The following SPOP variants were observed in gnomAD, a reference collection of about 807,000 sequenced individuals.
SPOP encodes speckle-type POZ protein.
In SPOP, 11 loss-of-function variants were observed where a neutral mutation model predicts 45.6. The ratio of observed to expected loss-of-function variants is 0.24; its 90% CI spans 0.15 to 0.40. The LOEUF is 0.40. Among genes scored for constraint, SPOP ranks in the 10% least tolerant of loss-of-function variants. The pLI is 1.00. For missense variants in SPOP, 152 were observed against 465.6 expected (o/e 0.33, Z 6.20); for synonymous variants, 166 against 166.3 (o/e 1.00, Z 0.01).
rs529119601 is a variant in SPOP, at chr17:49,637,724, AC to A, written c.-66-14849del. 6.6e-3 allele frequency among the ~76,000 whole-genome samples: 1,000 copies of A among 152,370 alleles called. 5 individuals are homozygous for A. Among genetic ancestry groups the A allele is most frequent in the East Asian group, 0.016 (82 of 5,190 alleles). On this transcript the variant is annotated intron_variant, in intron 1 of 9. Transcript: ENST00000504102. ...GGTGACTTGTCCTGTGTCAATATTT[AC>A]AAGAAAAGAGAGATCACTGTTGCCA...
chr17:49,624,284 A>C (rs1385663496), intron 1 of SPOP, among the ~76,000 whole-genome samples: 1 of 151,686 alleles, frequency 6.6e-6, no homozygotes, highest in Non-Finnish European at 1.5e-5. Flanking sequence ...AAGAGATTTT[A>C]GGTGCTTTTA....
intron 1 of SPOP, among the ~76,000 whole-genome samples, chr17:49,656,187 TATTACAA>T (rs2143510527): frequency 6.6e-6 from 1 of 152,280 alleles, no homozygotes; most frequent in Non-Finnish European, 1.5e-5. Flanking sequence ...AACTCTTTGA[TATTACAA>T]AAGAATCTGA....
At chr17:49,603,168 C>T (rs58630133) in intron 8 of SPOP, among the ~76,000 whole-genome samples, 1 of 151,848 alleles carries the variant, frequency 6.6e-6, no homozygotes, top group East Asian at 1.9e-4. Flanking sequence ...ACTGTGATCT[C>T]CTGCAGCAAA....
intron 1 of SPOP, among the ~76,000 whole-genome samples, chr17:49,629,313 G>GT (rs555138816): frequency 1.4e-3 from 208 of 151,870 alleles, no homozygotes; most frequent in Middle Eastern, 6.8e-3. Context: ...AAGTTTTCTG[G>GT]TTTTTTTTCA....
At chr17:49,602,977 A>G (rs907183640) in intron 8 of SPOP, among the ~76,000 whole-genome samples, 1 of 152,178 alleles carries the variant, frequency 6.6e-6, no homozygotes, top group African/African-American at 2.4e-5. Context: ...ACAAAATAAA[A>G]TGTCATTGAT....
At chr17:49,629,811 G>C (rs902646873) in intron 1 of SPOP, among the ~76,000 whole-genome samples, 1 of 152,170 alleles carries the variant, frequency 6.6e-6, no homozygotes, top group Non-Finnish European at 1.5e-5. Flanking sequence ...AGTTAACAGA[G>C]AGAGAGGCAT....
chr17:49,661,168 A>G (rs1473506502), intron 1 of SPOP, among the ~76,000 whole-genome samples: 2 of 152,152 alleles, frequency 1.3e-5, no homozygotes, highest in African/African-American at 4.8e-5. Flanking sequence ...TCAGTAACAA[A>G]ATTTGTGAAA....
intron 1 of SPOP, among the ~76,000 whole-genome samples, chr17:49,653,858 TATG>T (rs1329435074): frequency 6.6e-6 from 1 of 150,796 alleles, no homozygotes; most frequent in African/African-American, 2.4e-5. Flanking sequence ...ATATAATAGA[TATG>T]ATATGTGGTA....
chr17:49,615,048 AG>A (rs1265823164), intron 5 of SPOP, among the ~76,000 whole-genome samples: 15 of 151,974 alleles, frequency 9.9e-5, no homozygotes, highest in Admixed American at 9.8e-4. Flanking sequence ...TTGTAGAGAC[AG>A]GGTCTCACTA....
chr17:49,659,940 C>CA (rs1251839889), intron 1 of SPOP, among the ~76,000 whole-genome samples: 1 of 152,204 alleles, frequency 6.6e-6, no homozygotes, highest in Non-Finnish European at 1.5e-5. Context: ...TCCTCTTCCT[C>CA]AACCCCCACA....
In SPOP at chr17:49,601,647, G is replaced by A. The variant is rs566724537; in HGVS notation, c.980+218C>T. Reference sequence around the variant, plus strand: ...GCCAGCAAGTTATTTTCATCACTTCGATTCACTATGAGGAAGTAAAACACT... The same window carrying A: ...GCCAGCAAGTTATTTTCATCACTTCAATTCACTATGAGGAAGTAAAACACT... On this transcript the variant is annotated intron_variant, in intron 9 of 9. Coordinates refer to ENST00000504102, the MANE Select transcript of SPOP (RefSeq NM_001007228.2). 4 of 492,044 alleles carry A rather than the reference G, an allele frequency of 8.1e-6. 1 individual carries two copies. In the South Asian group the frequency reaches 1.3e-4, roughly 15 times the overall value. 30.5% of individuals were successfully genotyped at this position (492,044 alleles called of 1,614,324 possible).
chr17:49,656,524 T>C (rs1429832922), intron 1 of SPOP, among the ~76,000 whole-genome samples: 1 of 152,180 alleles, frequency 6.6e-6, no homozygotes, highest in East Asian at 1.9e-4. Flanking sequence ...TCTAGCCTGT[T>C]TGTCAGCTCA....
At chr17:49,613,281 A>G (rs2072014874) in intron 5 of SPOP, among the ~76,000 whole-genome samples, 1 of 152,026 alleles carries the variant, frequency 6.6e-6, no homozygotes, top group Admixed American at 6.5e-5. Flanking sequence ...ATTTAAAAAA[A>G]AAAAAAAAAA....
intron 1 of SPOP, among the ~76,000 whole-genome samples, chr17:49,666,838 A>C (rs2073066176): frequency 6.6e-6 from 1 of 152,294 alleles, no homozygotes; most frequent in South Asian, 2.1e-4. Context: ...CAAAAAAACA[A>C]AACAAATCTA....
At chr17:49,607,014 T>C (rs2071865134) in intron 8 of SPOP, 1 of 417,948 alleles carries the variant, frequency 2.4e-6, no homozygotes, top group Non-Finnish European at 4.2e-6. Flanking sequence ...GTCAAACTTA[T>C]CCTTCTTTCC....
rs374602221 is a variant in SPOP, at chr17:49,656,184, T to C, written c.-67+21749A>G. The stretch of plus-strand genomic sequence containing the variant: ...CAGAAACCACCTTGTCTGAACTCTT[T>C]GATATTACAAAAGAATCTGAGATCC... On this transcript the variant is annotated intron_variant, in intron 1 of 9. Transcript: ENST00000504102. Among the ~76,000 whole-genome samples the C allele has an allele frequency of 3.3e-5, 5 of 152,190 alleles. No homozygotes were observed. In the East Asian group the frequency reaches 7.7e-4, roughly 23 times the overall value.
chr17:49,678,139 C>G (rs1364725267), upstream of SPOP: 2 of 394,906 alleles, frequency 5.1e-6, no homozygotes, highest in East Asian at 7.2e-5. Flanking sequence ...TACCGCCAGA[C>G]CCCACCCCGC....
chr17:49,676,995 A>G (rs1305853975), intron 1 of SPOP, among the ~76,000 whole-genome samples: 1 of 152,276 alleles, frequency 6.6e-6, no homozygotes, highest in African/African-American at 2.4e-5. Context: ...AATAAGGTAC[A>G]GATAAAATGA....
At chr17:49,606,813 C>G (rs1419716839) in intron 8 of SPOP, among the ~76,000 whole-genome samples, 1 of 151,954 alleles carries the variant, frequency 6.6e-6, no homozygotes, top group East Asian at 1.9e-4. Context: ...TCTTTTTTCT[C>G]AAATATTTGT....
Sources: allele counts gnomAD v4.1 joint callset (sites outside exome capture counted in the v4.1 genomes callset), GRCh38; gene constraint gnomAD v4.1.1; transcripts MANE v1.5; gene names NCBI Gene and HGNC (gene_info 2026-07-23, HGNC 2026-07-21).